Variants in SEPHS1 observed in about 807,000 individuals in gnomAD.
The protein encoded by SEPHS1 is zincore component SEPHS1.
A neutral mutation model predicts 39.2 loss-of-function variants in SEPHS1; 7 were observed. The ratio of observed to expected loss-of-function variants is 0.18; its 90% confidence interval spans 0.10 to 0.34. SEPHS1 has a LOEUF of 0.34. Among genes scored for constraint, SEPHS1 ranks in the 10% least tolerant of loss-of-function variants. The probability of loss-of-function intolerance (pLI) is 1.00; values close to 1 mark genes in which losing one functional copy is unlikely to be tolerated. For synonymous variants in SEPHS1, 190 were observed against 195.5 expected, an observed-to-expected ratio of 0.97 and a Z score of 0.23; for missense variants, 253 against 514.5, an observed-to-expected ratio of 0.49 and a Z score of 4.92.
rs183916350 is a variant in SEPHS1, at chr10:13,330,631, C to A, written c.561-843G>T. Among the ~76,000 whole-genome samples the A allele has an allele frequency of 7.9e-5, 12 of 152,188 alleles. No individual in the cohort carries two copies. The East Asian group carries it at 2.1e-3, about 27-fold the overall frequency. On this transcript the variant is annotated intron_variant, in intron 5 of 8. Transcript: ENST00000327347. ...GGCCTCCTCAGGTACTCACCCAAGT[C>A]GATGAAAACAAAGCCAGGGCCACAG... is the stretch of plus-strand genomic sequence containing the variant.
intron 8 of SEPHS1, 111 bp downstream of exon 8, chr10:13,322,724 G>T: frequency 2.0e-6 from 2 of 994,524 alleles, no homozygotes; most frequent in Non-Finnish European, 3.0e-6. Flanking sequence ...GAGGTCAGCA[G>T]CATGGAACTC....
At chr10:13,334,341 G>C (rs1439652836) in intron 4 of SEPHS1, among the ~76,000 whole-genome samples, 2 of 152,144 alleles carry the variant, frequency 1.3e-5, no homozygotes, top group African/African-American at 4.8e-5. Context: ...AGGAGTTTGA[G>C]ACCAGCCTGG....
intron 3 of SEPHS1, among the ~76,000 whole-genome samples, 191 bp downstream of exon 3, chr10:13,338,514 C>A (rs1833704487): frequency 6.6e-6 from 1 of 152,168 alleles, no homozygotes; most frequent in African/African-American, 2.4e-5. Flanking sequence ...TGCTTTATGC[C>A]CAGTGCCAAG....
Position 13,318,304 on chromosome 10 carries a change from AAC to A in SEPHS1, c.*836_*837del, listed in dbSNP as rs1833001856. On this transcript the variant is annotated 3_prime_UTR_variant, in exon 9 of 9. Transcript: ENST00000327347. ...ATGTATTAAACACTACCATCCACAG[AAC>A]AGTCTTTACTATTGATTATATTTAA... is the stretch of plus-strand genomic sequence containing the variant. 1 of 152,638 alleles carries A rather than the reference AAC, an allele frequency of 6.6e-6. No homozygotes were observed. Among genetic ancestry groups the A allele is most frequent in the Non-Finnish European group, 1.5e-5 (1 of 68,028 alleles). The allele number at this position is 152,638 out of a possible 1,614,324, so 9.5% of individuals were successfully genotyped here.
At chr10:13,329,304 A>G (rs1833399144) in intron 6 of SEPHS1, among the ~76,000 whole-genome samples, 1 of 152,198 alleles carries the variant, frequency 6.6e-6, no homozygotes, top group Non-Finnish European at 1.5e-5. Flanking sequence ...AACTGCATAA[A>G]ACAATTTAAA....
rs143520754 is a variant in SEPHS1, at chr10:13,344,846, T to C, written c.105A>G (p.Gln35=). The C allele has an allele frequency of 4.9e-4, 792 of 1,608,790 alleles. 3 individuals are homozygous for C. The African/African-American group carries it at 8.0e-3, about 16-fold the overall frequency. The change falls in exon 2 of 9, where the codon CAA becomes CAG. Residue 35 remains glutamine (Q), a synonymous_variant. Coordinates refer to ENST00000327347, the MANE Select transcript of SEPHS1 (RefSeq NM_012247.5). ...ELKGTGCKVP[Q]DVLQKLLESL... ...ATTCCAGCAATTTTTGCAGGACATC[T>C]TGGGGCACTTTGCAGCCTGTGCCCT... is the stretch of plus-strand genomic sequence containing the variant.
chr10:13,322,184 C>G (rs1255020782), intron 8 of SEPHS1: 6 of 368,484 alleles, frequency 1.6e-5, no homozygotes, highest in Non-Finnish European at 3.1e-5. Flanking sequence ...CTCTGTCACC[C>G]AGGCTGGAGT....
chr10:13,339,872 C>A (rs183966166), intron 2 of SEPHS1, among the ~76,000 whole-genome samples: 1 of 152,312 alleles, frequency 6.6e-6, no homozygotes, highest in African/African-American at 2.4e-5. Context: ...CAACCATCCA[C>A]TTCTTTCCCT....
intron 8 of SEPHS1, among the ~76,000 whole-genome samples, chr10:13,320,338 C>T (rs1449368765): frequency 3.9e-5 from 6 of 151,902 alleles, no homozygotes; most frequent in African/African-American, 9.7e-5. Context: ...CCCGCCACCA[C>T]ACCCGGCTAA....
chr10:13,342,006 G>A (rs1357264689), intron 2 of SEPHS1, among the ~76,000 whole-genome samples: 9 of 150,918 alleles, frequency 6.0e-5, no homozygotes, highest in East Asian at 3.9e-4. Context: ...ATGGCGGGGC[G>A]CGGTGTCTCA....
chr10:13,338,912 A>C (rs1445946724), intron 2 of SEPHS1, 104 bp from the exon 3 acceptor site: 3 of 838,072 alleles, frequency 3.6e-6, no homozygotes, highest in Non-Finnish European at 6.2e-6. Flanking sequence ...ATACTTATGG[A>C]AACTGCAGGC....
At chr10:13,340,748 G>A (rs539303792) in intron 2 of SEPHS1, 6 of 152,270 alleles carry the variant, frequency 3.9e-5, no homozygotes, top group East Asian at 3.9e-4. Context: ...TCAGAGTAAC[G>A]GGGGATTCTT....
At chr10:13,330,118 T>C (rs961623424) in intron 5 of SEPHS1, among the ~76,000 whole-genome samples, 2 of 152,054 alleles carry the variant, frequency 1.3e-5, no homozygotes, top group African/African-American at 4.8e-5. Context: ...AAAAATAATA[T>C]ACATATTTTT....
At chr10:13,326,710 A>G (rs910864414) in intron 7 of SEPHS1, among the ~76,000 whole-genome samples, 1 of 151,938 alleles carries the variant, frequency 6.6e-6, no homozygotes. Flanking sequence ...AGGCGCAGCT[A>G]AAGAGACGAG....
intron 8 of SEPHS1, among the ~76,000 whole-genome samples, chr10:13,319,783 G>A (rs1833046870): frequency 6.6e-6 from 1 of 152,120 alleles, no homozygotes; most frequent in Non-Finnish European, 1.5e-5. Flanking sequence ...CCCAGCCTAA[G>A]AGGCCTGTTC....
intron 5 of SEPHS1, among the ~76,000 whole-genome samples, chr10:13,330,433 CCT>C (rs1455829792): frequency 1.3e-5 from 2 of 152,066 alleles, no homozygotes; most frequent in African/African-American, 4.8e-5. Context: ...CTTGGTGGTC[CCT>C]GTCTTAGAGA....
intron 2 of SEPHS1, among the ~76,000 whole-genome samples, chr10:13,339,786 C>T (rs959657570): frequency 5.9e-5 from 9 of 152,048 alleles, no homozygotes; most frequent in East Asian, 1.9e-4. Context: ...GATGTGAATG[C>T]GATGTAAATA....
At position 13,317,434 on chromosome 10, in the gene SEPHS1, T is replaced by C. The variant is rs1215982654; in HGVS notation, c.*1708A>G. On this transcript the variant is annotated 3_prime_UTR_variant, in exon 9 of 9. Transcript: ENST00000327347. ...AAAAAAGCTCAACAGTAGGTTTATC[T>C]CACTAGAGGTTTCCAACACACTTTA... 1 of 150,842 alleles carries C rather than the reference T, an allele frequency of 6.6e-6. No homozygotes were observed. The highest frequency in any genetic ancestry group is 2.0e-4 in the East Asian group (1 of 5,116). The allele number at this position is 150,842 out of a possible 1,614,324, so 9.3% of individuals were successfully genotyped here.
intron 8 of SEPHS1, chr10:13,321,941 G>C (rs976960973): frequency 5.4e-6 from 2 of 369,592 alleles, no homozygotes; most frequent in African/African-American, 2.2e-5. Context: ...AAGCTCCCTA[G>C]GAGTCAAACT....
Sources: gnomAD v4.1 joint callset for allele counts (sites outside exome capture counted in the v4.1 genomes callset) on GRCh38, gnomAD v4.1.1 for gene constraint, MANE v1.5 for transcripts, NCBI Gene and HGNC (gene_info 2026-07-23, HGNC 2026-07-21) for gene names.